The following GALNT13 variants were observed in gnomAD, a reference collection of about 807,000 sequenced individuals.
GALNT13 encodes the protein UDP-GalNAc:polypeptide N-acetylgalactosaminyltransferase 13.
GALNT13 carries 28 observed loss-of-function variants against 64.2 expected under a neutral mutation model. That is an observed-to-expected ratio of 0.44 (90% CI 0.32 to 0.60). The LOEUF is 0.60. GALNT13 is among the 20% of genes least tolerant of loss of function. The probability of loss-of-function intolerance (pLI) is 0.05; values close to 1 mark genes in which losing one functional copy is unlikely to be tolerated. For missense variants in GALNT13, 577 were observed against 669.8 expected, an observed-to-expected ratio of 0.86 and a Z score of 1.53; for synonymous variants, 214 against 224.6, an observed-to-expected ratio of 0.95 and a Z score of 0.42.
chr2:154,433,640 A>G (rs1017440949), intron 11 of GALNT13, among the ~76,000 whole-genome samples: 1 of 152,162 alleles, frequency 6.6e-6, no homozygotes, highest in African/African-American at 2.4e-5. Flanking sequence ...CCCAATGTGA[A>G]GAAGGGGGAA....
At chr2:153,982,744 A>G (rs1694549930) in intron 3 of GALNT13, among the ~76,000 whole-genome samples, 1 of 152,068 alleles carries the variant, frequency 6.6e-6, no homozygotes, top group South Asian at 2.1e-4. Flanking sequence ...CAAACATAAT[A>G]CTTCATTTTT....
chr2:153,663,907 A>C, the GALNT13 span, among the ~76,000 whole-genome samples: 5 of 152,308 alleles, frequency 3.3e-5, no homozygotes, highest in African/African-American at 7.2e-5. Flanking sequence ...AAGCTCAACT[A>C]AATCATGCAA....
At chr2:154,141,785 CT>C (rs1392492060) in intron 4 of GALNT13, among the ~76,000 whole-genome samples, 2 of 152,166 alleles carry the variant, frequency 1.3e-5, no homozygotes, top group Non-Finnish European at 2.9e-5. Context: ...GCAATTTATA[CT>C]GCTGTTTATA....
the GALNT13 span, among the ~76,000 whole-genome samples, chr2:153,675,260 C>T: frequency 1.3e-4 from 20 of 152,070 alleles, no homozygotes; most frequent in Non-Finnish European, 2.4e-4. Flanking sequence ...TGTTTATTGT[C>T]GCACTGTTTG....
chr2:154,212,186 A>G (rs1461652194), intron 4 of GALNT13, among the ~76,000 whole-genome samples: 1 of 152,080 alleles, frequency 6.6e-6, no homozygotes, highest in African/African-American at 2.4e-5. Context: ...CTGAATGTGT[A>G]CAAAATGTTT....
At chr2:153,546,397 T>A in the GALNT13 span, among the ~76,000 whole-genome samples, 1 of 152,204 alleles carries the variant, frequency 6.6e-6, no homozygotes, top group African/African-American at 2.4e-5. Context: ...TTGCACTGAC[T>A]GGGCCCTGCA....
intron 12 of GALNT13, among the ~76,000 whole-genome samples, chr2:154,448,869 T>C (rs528325146): frequency 6.6e-6 from 1 of 152,104 alleles, no homozygotes; most frequent in South Asian, 2.1e-4. Context: ...AAAATCATAC[T>C]TTTTTTAAAA....
At chr2:154,307,635 T>C (rs1574061906) in intron 9 of GALNT13, among the ~76,000 whole-genome samples, 6 of 152,262 alleles carry the variant, frequency 3.9e-5, no homozygotes, top group Admixed American at 3.9e-4. Flanking sequence ...TTGTTTAGTT[T>C]GATTTCTGGC....
the GALNT13 span, among the ~76,000 whole-genome samples, chr2:153,402,567 A>G: frequency 1.3e-5 from 2 of 152,076 alleles, no homozygotes; most frequent in Non-Finnish European, 2.9e-5. Context: ...AGGTACACCA[A>G]TCAGACGTAG....
At chr2:153,531,926 C>G in the GALNT13 span, among the ~76,000 whole-genome samples, 1 of 152,154 alleles carries the variant, frequency 6.6e-6, no homozygotes, top group Non-Finnish European at 1.5e-5. Context: ...GGTGGGCTCA[C>G]GAGGCCTTCA....
At chr2:154,255,868 A>C (rs774528226) in intron 7 of GALNT13, among the ~76,000 whole-genome samples, 9 of 152,056 alleles carry the variant, frequency 5.9e-5, no homozygotes, top group Non-Finnish European at 1.3e-4. Context: ...CCTGAGCAAC[A>C]TAGCAAAACT....
chr2:154,334,231 C>CTAA (rs1695320240), intron 9 of GALNT13, among the ~76,000 whole-genome samples: 1 of 151,982 alleles, frequency 6.6e-6, no homozygotes, highest in Non-Finnish European at 1.5e-5. Flanking sequence ...ATTCCTTAGG[C>CTAA]TAATCTCAAA....
chr2:154,173,112 A>G (rs1685454294), intron 4 of GALNT13, among the ~76,000 whole-genome samples: 1 of 152,028 alleles, frequency 6.6e-6, no homozygotes, highest in Non-Finnish European at 1.5e-5. Flanking sequence ...TCAGCATGGT[A>G]TTGGCATTAA....
At chr2:153,637,794 T>A in the GALNT13 span, among the ~76,000 whole-genome samples, 2 of 152,198 alleles carry the variant, frequency 1.3e-5, no homozygotes, top group African/African-American at 4.8e-5. Context: ...AGGTGCCAAC[T>A]GACATGATAC....
At chr2:153,723,538 T>C in the GALNT13 span, among the ~76,000 whole-genome samples, 1 of 150,992 alleles carries the variant, frequency 6.6e-6, no homozygotes. Context: ...ACGACATGAT[T>C]GTTTATCTAG....
At chr2:154,254,225 A>G (rs1410825917) in intron 7 of GALNT13, among the ~76,000 whole-genome samples, 1 of 152,218 alleles carries the variant, frequency 6.6e-6, no homozygotes, top group African/African-American at 2.4e-5. Flanking sequence ...TAACAGCTAA[A>G]CACTTTACAT....
the GALNT13 span, among the ~76,000 whole-genome samples, chr2:153,458,360 T>C: frequency 6.6e-6 from 1 of 152,180 alleles, no homozygotes; most frequent in Admixed American, 6.6e-5. Flanking sequence ...ATTTCTCTTT[T>C]CATTCGAGCT....
At chr2:153,806,801 A>G in the GALNT13 span, among the ~76,000 whole-genome samples, 37,293 of 151,946 alleles carry the variant, frequency 0.25, 4,872 homozygotes, top group Non-Finnish European at 0.28. Context: ...ACAGGTAAAT[A>G]GTGAGGGAAA....
the GALNT13 span, among the ~76,000 whole-genome samples, chr2:153,359,630 C>CAAAAA: frequency 7.7e-3 from 293 of 38,236 alleles, 32 homozygotes; most frequent in Non-Finnish European, 8.7e-3. Flanking sequence ...CAGCTTTCAG[C>CAAAAA]AAAAAAAAAA....
Sources: allele counts gnomAD v4.1 joint callset (sites outside exome capture counted in the v4.1 genomes callset), GRCh38; gene constraint gnomAD v4.1.1; transcripts MANE v1.5; gene names NCBI Gene and HGNC (gene_info 2026-07-23, HGNC 2026-07-21).